The following ITGA2B variants were observed in gnomAD, a reference collection of about 807,000 sequenced individuals.
ITGA2B encodes the protein integrin alpha-IIb.
In ITGA2B, 91 loss-of-function variants were observed where a neutral mutation model predicts 142.0. The ratio of observed to expected loss-of-function variants is 0.64; its 90% CI spans 0.54 to 0.76. The LOEUF is 0.76. Ranked by LOEUF, ITGA2B falls within the 30% of genes least tolerant of loss-of-function variation. The pLI is 0.00. For missense variants in ITGA2B, 1,231 were observed against 1,350.8 expected (o/e 0.91, Z 1.39); for synonymous variants, 536 against 567.2 (o/e 0.94, Z 0.78).
Position 44,385,591 on chromosome 17 carries a change from G to A in ITGA2B, c.534C>T (p.Arg178=). 3.1e-6 allele frequency: 5 copies of A among 1,609,268 alleles called. No homozygotes were observed. The highest frequency in any genetic ancestry group is 1.7e-4 in the Middle Eastern group (1 of 6,004). The change falls in exon 4 of 30, where the codon CGC becomes CGT. Residue 178 remains arginine (R), a synonymous_variant. Coordinates refer to ENST00000262407, the MANE Select transcript of ITGA2B (RefSeq NM_000419.5). The part of the protein sequence containing the change: ...SGRRAEYSPC[R]GNTLSRIYVE... Reference sequence around the variant, plus strand: ...CGTAAATGCGGCTCAGGGTGTTCCCGCGACAGGGGGAGTACTCGGCGCGGC... The same window carrying A: ...CGTAAATGCGGCTCAGGGTGTTCCCACGACAGGGGGAGTACTCGGCGCGGC...
Position 44,384,079 on chromosome 17 carries a change from C to T in ITGA2B, c.945+6G>A. The T allele has an allele frequency of 2.5e-6, 4 of 1,613,742 alleles. No homozygotes were observed. Among genetic ancestry groups the T allele is most frequent in the Non-Finnish European group, 2.5e-6 (3 of 1,179,906 alleles). On this transcript the variant is annotated splice_donor_region_variant and intron_variant, in intron 10 of 29. Transcript: ENST00000262407. ...CCAGCCACGCCCACTGGGACCTGGC[C>T]CCCACCTGCTCTCCGCGCAGCCGAT...
At chr17:44,373,457 G>C (rs950423605) in intron 29 of ITGA2B, among the ~76,000 whole-genome samples, 4 of 152,182 alleles carry the variant, frequency 2.6e-5, no homozygotes, top group African/African-American at 7.2e-5. Context: ...TTATACTGAA[G>C]TTTGTGTCTG....
In ITGA2B at chr17:44,381,011, GCACTTGGCCCCGGC is replaced by G; in HGVS notation, c.1247_1260del (p.Gly416AlafsTer8). 6.2e-7 allele frequency: 1 copy of G among 1,613,318 alleles called. No individual in the cohort carries two copies. Among genetic ancestry groups the G allele is most frequent in the Non-Finnish European group, 8.5e-7 (1 of 1,179,510 alleles). On this transcript the variant is annotated frameshift_variant, in exon 13 of 30. Transcript: ENST00000262407. LOFTEE classifies it high-confidence loss of function. Reference sequence around the variant, plus strand: ...CCCTCACTCTGACCCAGGAACACCAGCACTTGGCCCCGGCCACTGGGACCCCCGTAGGGGGCAGC... The same window carrying G: ...CCCTCACTCTGACCCAGGAACACCAGCACTGGGACCCCCGTAGGGGGCAGC...
intron 18 of ITGA2B, 98 bp from the exon 19 acceptor site, chr17:44,378,808 G>T: frequency 9.7e-7 from 1 of 1,035,646 alleles, no homozygotes; most frequent in Non-Finnish European, 1.5e-6. Context: ...GGTTCACATA[G>T]GGGCTTAGGG....
In ITGA2B at chr17:44,374,406, C is replaced by T. The variant is rs778115026; in HGVS notation, c.3008G>A (p.Gly1003Asp). ...RAIPIWWVLVGVLGGLLLLTI... is the reference protein window; with the variant it reads ...RAIPIWWVLVDVLGGLLLLTI... ...GAGCAGCAGCAGGCCACCCAGCACA[C>T]CCACCAGCACCCACCAGATTGGAAT... Residue 1003 changes from glycine to aspartate, a missense_variant, in exon 29 of 30, where the codon GGT becomes GAT. Coordinates refer to ENST00000262407, the MANE Select transcript of ITGA2B (RefSeq NM_000419.5). 2.5e-6 allele frequency: 4 copies of T among 1,614,084 alleles called. No homozygotes were observed. In the East Asian group the frequency reaches 6.7e-5, roughly 27 times the overall value.
intron 22 of ITGA2B, 86 bp from the exon 23 acceptor site, chr17:44,376,474 C>G: frequency 8.4e-7 from 1 of 1,196,234 alleles, no homozygotes; most frequent in Non-Finnish European, 1.2e-6. Flanking sequence ...TTAGAGAGTT[C>G]AGAGAGAGCT....
chr17:44,377,692 C>A lies in ITGA2B; in HGVS notation c.2187+6G>T, dbSNP rs374761257. 24 of 1,610,944 alleles carry A rather than the reference C, an allele frequency of 1.5e-5. No homozygotes were observed. In the African/African-American group the frequency reaches 2.9e-4, roughly 20 times the overall value. On this transcript the variant is annotated splice_donor_region_variant and intron_variant, in intron 21 of 29. Transcript: ENST00000262407. The stretch of plus-strand genomic sequence containing the variant: ...GAGACCCGGTACCACGACCCAGCAG[C>A]CTCACCTGGGCGTTCTTCTTCATGG...
At position 44,386,058 on chromosome 17, in the gene ITGA2B, G is replaced by C. The variant is rs2048646178; in HGVS notation, c.262C>G (p.Pro88Ala). The C allele has an allele frequency of 6.2e-7, 1 of 1,612,498 alleles. No homozygotes were observed. Among genetic ancestry groups the C allele is most frequent in the African/African-American group, 1.3e-5 (1 of 74,880 alleles). The change falls in exon 2 of 30, where the codon CCC (proline) becomes GCC (alanine). Residue 88 changes from proline (P) to alanine (A), a missense_variant. Pro to Ala is a conservative substitution (Grantham distance 27). Around this residue, in one of 3 missense-constraint regions of ITGA2B, gnomAD observed 318 missense variants for 312.2 expected, o/e 1.02. Coordinates refer to ENST00000262407, the MANE Select transcript of ITGA2B (RefSeq NM_000419.5). ...CACTGGCCGCCCTCGGCCCTCCAGG[G>C]GCACAGGAACACGCCGCCCGTCTCC... ...QEETGGVFLC[P>A]WRAEGGQCPS...
chr17:44,376,137 C>T lies in ITGA2B; in HGVS notation c.2396G>A (p.Arg799Lys), dbSNP rs776803112. 2.5e-6 allele frequency: 4 copies of T among 1,614,172 alleles called. No individual in the cohort carries two copies. Among genetic ancestry groups the T allele is most frequent in the Non-Finnish European group, 3.4e-6 (4 of 1,180,026 alleles). ...CCAGCTGTCCAAGCTGTTCTGCTCCCTCTCACCTTCTTCTGCTGCCACCAC... is the reference window on the plus strand; with the variant it reads ...CCAGCTGTCCAAGCTGTTCTGCTCCTTCTCACCTTCTTCTGCTGCCACCAC... ...SLVVAAEEGE[R>K]EQNSLDSWGP... The change falls in exon 24 of 30, where the codon AGG becomes AAG. Residue 799 changes from arginine (R) to lysine (K), a missense_variant. Physicochemically the swap from Arg to Lys is conservative, Grantham distance 26. Around this residue, in one of 3 missense-constraint regions of ITGA2B, gnomAD observed 908 missense variants for 1,021.1 expected, o/e 0.89. Coordinates refer to ENST00000262407, the MANE Select transcript of ITGA2B (RefSeq NM_000419.5).
rs757093208 is a variant in ITGA2B, at chr17:44,381,037, C to T, written c.1235G>A (p.Gly412Glu). 6 of 1,613,450 alleles carry T rather than the reference C, an allele frequency of 3.7e-6. No individual in the cohort carries two copies. The highest frequency in any genetic ancestry group is 5.1e-6 in the Non-Finnish European group (6 of 1,179,664). Residue 412 changes from glycine to glutamate, a missense_variant, in exon 13 of 30, where the codon GGG becomes GAG. This residue lies in a region of ITGA2B where 908 missense variants were observed against 1,021.1 expected (regional missense o/e 0.89). Transcript: ENST00000262407. ...CACTTGGCCCCGGCCACTGGGACCCCCGTAGGGGGCAGCCACTGCAATGTC... is the reference window on the plus strand; with the variant it reads ...CACTTGGCCCCGGCCACTGGGACCCTCGTAGGGGGCAGCCACTGCAATGTC... ...YNDIAVAAPY[G>E]GPSGRGQVLV...
intron 9 of ITGA2B, 50 bp from the exon 10 acceptor site, chr17:44,384,188 T>TC: frequency 7.3e-7 from 1 of 1,361,472 alleles, no homozygotes; most frequent in Non-Finnish European, 1.0e-6. Context: ...CAAAGCAACC[T>TC]CCCACTCCAG....
rs571550200 is a variant in ITGA2B, at chr17:44,384,343, C to T, written c.859G>A (p.Gly287Ser). Residue 287 changes from glycine to serine, a missense_variant, in exon 9 of 30, where the codon GGT becomes AGT. Physicochemically the swap from Gly to Ser is moderately conservative, Grantham distance 56. Coordinates refer to ENST00000262407, the MANE Select transcript of ITGA2B (RefSeq NM_000419.5). ...GDLNTTEYVV[G>S]APTWSWTLGA... ...AGGGTCCAGCTCCAAGTGGGGGCAC[C>T]GACGACATATTCTGGCGATAGGGAG... is the stretch of plus-strand genomic sequence containing the variant. 1.3e-5 allele frequency: 21 copies of T among 1,613,522 alleles called. No homozygotes were observed. Among genetic ancestry groups the T allele is most frequent in the Middle Eastern group, 1.6e-4 (1 of 6,062 alleles).
At position 44,375,927 on chromosome 17, in the gene ITGA2B, C is replaced by T. The variant is rs759664025; in HGVS notation, c.2507G>A (p.Gly836Glu). 1 of 1,613,850 alleles carries T rather than the reference C, an allele frequency of 6.2e-7. No individual in the cohort carries two copies. Among genetic ancestry groups the T allele is most frequent in the Non-Finnish European group, 8.5e-7 (1 of 1,179,982 alleles). Reference protein sequence around the residue: ...NGLHLSIHLPGQSQPSDLLYI... With the variant: ...NGLHLSIHLPEQSQPSDLLYI... ...GAGCAGGTCGGAGGGCTGGGACTGT[C>T]CCGGAAGGTGGATGCTGAGGTGAAG... The change falls in exon 25 of 30, where the codon GGA becomes GAA. Residue 836 changes from glycine to glutamate, a missense_variant. Physicochemically the swap from Gly to Glu is moderately conservative, Grantham distance 98. Transcript: ENST00000262407.
intron 29 of ITGA2B, 69 bp downstream of exon 29, chr17:44,374,285 A>G (rs12937193): frequency 4.1e-5 from 57 of 1,374,756 alleles, no homozygotes; most frequent in Non-Finnish European, 5.2e-5. Flanking sequence ...TCTCTCCTTG[A>G]CTCCCTGTGA....
At chr17:44,380,726 C>T (rs779743986) in intron 13 of ITGA2B, 81 bp from the exon 14 acceptor site, 1 of 1,598,498 alleles carries the variant, frequency 6.3e-7, no homozygotes, top group Non-Finnish European at 8.6e-7. Context: ...TTCCCCACAC[C>T]ACCTCCCCCA....
rs748070384 is a variant in ITGA2B, at chr17:44,384,591, G to A, written c.800-6C>T. The A allele has an allele frequency of 1.9e-6, 3 of 1,614,030 alleles. No homozygotes were observed. The highest frequency in any genetic ancestry group is 1.1e-5 in the South Asian group (1 of 91,082). ...GCCCACGGCCACCGAGTACCCTGAG[G>A]ACAAGGGCGCAAATTAGTCTTTTCC... is the stretch of plus-strand genomic sequence containing the variant. On this transcript the variant is annotated splice_region_variant and splice_polypyrimidine_tract_variant and intron_variant, in intron 7 of 29. Coordinates refer to ENST00000262407, the MANE Select transcript of ITGA2B (RefSeq NM_000419.5).
At chr17:44,382,725 T>C (rs1030958159) in intron 12 of ITGA2B, among the ~76,000 whole-genome samples, 22 of 151,860 alleles carry the variant, frequency 1.4e-4, no homozygotes, top group African/African-American at 5.3e-4. Flanking sequence ...CCCACCTAAT[T>C]GTATCTTGCA....
In ITGA2B at chr17:44,389,445, G is replaced by A. The variant is rs749730990; in HGVS notation, c.29C>T (p.Ala10Val). Residue 10 changes from alanine to valine, a missense_variant, in exon 1 of 30, where the codon GCC becomes GTC. By Grantham distance (64) the Ala-to-Val change is moderately conservative (BLOSUM62 0). This residue lies in a region of ITGA2B where 318 missense variants were observed against 312.2 expected (regional missense o/e 1.02). Transcript: ENST00000262407. The stretch of plus-strand genomic sequence containing the variant: ...CAGCACCCACTCCAGAAGCCAGAGG[G>A]CTTGCAGTGGACACAAAGCTCTGGC... MARALCPLQ[A>V]LWLLEWVLLL... 18 of 1,613,812 alleles carry A rather than the reference G, an allele frequency of 1.1e-5. No homozygotes were observed. Among genetic ancestry groups the A allele is most frequent in the Non-Finnish European group, 1.5e-5 (18 of 1,179,996 alleles).
intron 13 of ITGA2B, 107 bp downstream of exon 13, chr17:44,380,772 G>C: frequency 6.3e-7 from 1 of 1,583,592 alleles, no homozygotes. Context: ...GCAGTCCATA[G>C]TGGGACACCA....
Sources: allele counts gnomAD v4.1 joint callset (sites outside exome capture counted in the v4.1 genomes callset), GRCh38; gene constraint gnomAD v4.1.1; regional missense constraint gnomAD v4.1.1; transcripts MANE v1.5; gene names NCBI Gene and HGNC (gene_info 2026-07-23, HGNC 2026-07-21).